FRK: variants seen among roughly 807,000 people sequenced by gnomAD.
FRK encodes the protein tyrosine-protein kinase FRK.
In FRK, 51 loss-of-function variants were observed where a neutral mutation model predicts 56.4. The observed-to-expected ratio is 0.90, with a 90% CI of 0.72 to 1.14. The LOEUF (loss-of-function observed/expected upper bound fraction) is 1.14. Ranked by LOEUF, FRK falls within the 50% of genes most tolerant of loss-of-function variation. The pLI, the probability that FRK is intolerant of heterozygous loss-of-function variation, is 0.00. For missense variants in FRK, 570 were observed against 601.4 expected, an observed-to-expected ratio of 0.95 and a Z score of 0.55; for synonymous variants, 245 against 217.9, an observed-to-expected ratio of 1.12 and a Z score of -1.10.
chr6:116,028,531 C>T (rs1356703314), intron 1 of FRK, among the ~76,000 whole-genome samples: 2 of 152,126 alleles, frequency 1.3e-5, no homozygotes, highest in Admixed American at 1.3e-4. Context: ...GCTCCTTCTG[C>T]GGTCAGTGAG....
At position 115,951,279 on chromosome 6, in the gene FRK, T is replaced by C. The variant is rs1000697119; in HGVS notation, c.958+5173A>G. On this transcript the variant is annotated intron_variant, in intron 5 of 7. Transcript: ENST00000606080. ...GTGTTTTTTAAAGAAAAAAAGTATA[T>C]ACATGATCCTCTCCTATCACTACCT... Among the ~76,000 whole-genome samples, 2 of 152,280 alleles carry C rather than the reference T, an allele frequency of 1.3e-5. 1 individual carries two copies. Among genetic ancestry groups the C allele is most frequent in the Middle Eastern group, 6.8e-3 (2 of 294 alleles).
Position 115,970,486 on chromosome 6 carries a change from T to C in FRK, c.467-1747A>G, listed in dbSNP as rs145090928. ...AAATGTTTATCAACTAAAAAACAAT[T>C]GAATTAGCTAAAAAATTGTCATCTA... is the stretch of plus-strand genomic sequence containing the variant. On this transcript the variant is annotated intron_variant, in intron 2 of 7. Transcript: ENST00000606080. Among the ~76,000 whole-genome samples the C allele has an allele frequency of 2.0e-3, 304 of 152,338 alleles. 4 individuals carry two copies. Among genetic ancestry groups the C allele is most frequent in the African/African-American group, 7.0e-3 (290 of 41,582 alleles).
intron 2 of FRK, among the ~76,000 whole-genome samples, chr6:115,973,560 T>C (rs988180904): frequency 5.9e-5 from 9 of 152,100 alleles, no homozygotes; most frequent in Non-Finnish European, 1.2e-4. Flanking sequence ...GTATAATGTT[T>C]AAAAATTTTT....
intron 2 of FRK, among the ~76,000 whole-genome samples, chr6:115,996,260 G>A (rs1421956480): frequency 1.3e-5 from 2 of 152,132 alleles, no homozygotes; most frequent in Non-Finnish European, 1.5e-5. Context: ...CACAATGTTC[G>A]CATTAATTTT....
chr6:116,064,869 A>C (rs567357047), upstream of FRK, among the ~76,000 whole-genome samples: 1 of 152,166 alleles, frequency 6.6e-6, no homozygotes, highest in African/African-American at 2.4e-5. Flanking sequence ...CACCCCCTCC[A>C]TTATGGCTTT....
At chr6:115,969,278 G>A (rs1773710547) in intron 2 of FRK, among the ~76,000 whole-genome samples, 1 of 152,158 alleles carries the variant, frequency 6.6e-6, no homozygotes, top group South Asian at 2.1e-4. Flanking sequence ...CCTCAATGCA[G>A]ACTGGTAACA....
intron 5 of FRK, among the ~76,000 whole-genome samples, chr6:115,946,481 T>C (rs949623954): frequency 5.9e-5 from 9 of 152,196 alleles, no homozygotes; most frequent in African/African-American, 2.2e-4. Context: ...ATTATTATCA[T>C]TGCTCCTATC....
chr6:115,968,252 C>A (rs549876478), intron 3 of FRK, among the ~76,000 whole-genome samples: 126 of 152,158 alleles, frequency 8.3e-4, no homozygotes, highest in Non-Finnish European at 1.6e-3. Context: ...ATAAACAAAA[C>A]AAGCAAGACC....
At chr6:116,050,720 A>G (rs1176717778) in intron 1 of FRK, among the ~76,000 whole-genome samples, 1 of 152,216 alleles carries the variant, frequency 6.6e-6, no homozygotes, top group African/African-American at 2.4e-5. Flanking sequence ...ATTAATTTTC[A>G]TATCTCCCAC....
chr6:115,951,302 C>A (rs1772741926), intron 5 of FRK, among the ~76,000 whole-genome samples: 1 of 152,166 alleles, frequency 6.6e-6, no homozygotes, highest in Admixed American at 6.5e-5. Context: ...CCTATCACTA[C>A]CTCATATAGT....
chr6:116,061,980 AAAAAGAAAG>A (rs1777640883), upstream of FRK, among the ~76,000 whole-genome samples: 1 of 151,974 alleles, frequency 6.6e-6, no homozygotes, highest in Admixed American at 6.6e-5. Context: ...GAAAAGAAAG[AAAAAGAAAG>A]AAAAGAAAGA....
the FRK span, among the ~76,000 whole-genome samples, chr6:116,100,058 C>G: frequency 1.1e-4 from 17 of 152,218 alleles, no homozygotes; most frequent in African/African-American, 4.1e-4. Flanking sequence ...AAGCAAATGT[C>G]ACTCAAAACA....
At chr6:116,004,989 G>A (rs1157047214) in intron 1 of FRK, among the ~76,000 whole-genome samples, 1 of 151,704 alleles carries the variant, frequency 6.6e-6, no homozygotes, top group East Asian at 1.9e-4. Flanking sequence ...AGAAATACAG[G>A]CTGGGAGAAA....
chr6:116,073,792 A>G, the FRK span, among the ~76,000 whole-genome samples: 6 of 152,220 alleles, frequency 3.9e-5, no homozygotes, highest in African/African-American at 1.4e-4. Context: ...CAGCAAAGAG[A>G]TAGCAAAGAA....
intron 4 of FRK, among the ~76,000 whole-genome samples, chr6:115,966,010 C>T (rs1773553680): frequency 8.8e-6 from 1 of 113,616 alleles, no homozygotes; most frequent in African/African-American, 3.4e-5. Context: ...TGTAACTAAC[C>T]TGCACAATGT....
intron 2 of FRK, among the ~76,000 whole-genome samples, chr6:116,000,495 G>T (rs1452827064): frequency 1.3e-5 from 2 of 151,794 alleles, no homozygotes; most frequent in Admixed American, 6.6e-5. Context: ...CACCCAGCTC[G>T]GCCTCCCAAA....
chr6:116,002,702 G>A (rs1231748502), intron 2 of FRK: 2 of 455,754 alleles, frequency 4.4e-6, no homozygotes, highest in East Asian at 1.4e-4. Flanking sequence ...CCATGGATTA[G>A]GTAGTAGTGA....
intron 2 of FRK, among the ~76,000 whole-genome samples, chr6:115,971,607 T>C (rs1026439174): frequency 6.6e-6 from 1 of 152,188 alleles, no homozygotes; most frequent in Non-Finnish European, 1.5e-5. Context: ...TGTCCCTAGA[T>C]GAAAGCTCCA....
chr6:115,956,286 T>C (rs1360428853), intron 5 of FRK, among the ~76,000 whole-genome samples, 166 bp downstream of exon 5: 2 of 152,252 alleles, frequency 1.3e-5, no homozygotes, highest in African/African-American at 4.8e-5. Context: ...ATACAATATA[T>C]AACCTATTAA....
Sources: allele counts gnomAD v4.1 joint callset (sites outside exome capture counted in the v4.1 genomes callset), GRCh38; gene constraint gnomAD v4.1.1; transcripts MANE v1.5; gene names NCBI Gene and HGNC (gene_info 2026-07-23, HGNC 2026-07-21).